Variants in HPSE2 observed in about 807,000 individuals in gnomAD.
HPSE2 encodes inactive heparanase-2.
HPSE2 carries 38 observed loss-of-function variants against 60.5 expected under a neutral mutation model. The observed-to-expected ratio is 0.63, with a 90% confidence interval of 0.48 to 0.82. The LOEUF is 0.82. Ranked by LOEUF, HPSE2 falls within the 40% of genes least tolerant of loss-of-function variation. HPSE2 has a pLI of 0.00. For synonymous variants in HPSE2, 295 were observed against 293.2 expected (o/e 1.01, Z -0.06); for missense variants, 713 against 740.4 (o/e 0.96, Z 0.43).
At chr10:99,047,653 A>G (rs752142497) in intron 3 of HPSE2, 42 of 744,904 alleles carry the variant, frequency 5.6e-5, no homozygotes, top group Non-Finnish European at 9.3e-5. Context: ...ATGGTGTAGA[A>G]GAGAAGAAGA....
At chr10:99,305,720 C>A in the HPSE2 span, among the ~76,000 whole-genome samples, 1 of 151,598 alleles carries the variant, frequency 6.6e-6, no homozygotes, top group Admixed American at 6.6e-5. Flanking sequence ...CTTTAAAATA[C>A]CTATGACTTA....
intron 2 of HPSE2, among the ~76,000 whole-genome samples, chr10:99,212,604 C>A (rs183146698): frequency 6.6e-6 from 1 of 152,030 alleles, no homozygotes; most frequent in Non-Finnish European, 1.5e-5. Flanking sequence ...TGTAAACCCA[C>A]AGAAGCAGAG....
intron 3 of HPSE2, among the ~76,000 whole-genome samples, chr10:98,870,618 T>C (rs1341759236): frequency 6.6e-6 from 1 of 152,286 alleles, no homozygotes; most frequent in African/African-American, 2.4e-5. Flanking sequence ...ATAAAGCCTG[T>C]ACAAGTACAG....
intron 2 of HPSE2, among the ~76,000 whole-genome samples, chr10:99,224,786 T>C (rs1357877888): frequency 6.6e-6 from 1 of 152,050 alleles, no homozygotes; most frequent in Non-Finnish European, 1.5e-5. Context: ...ACAAAAAAAA[T>C]TGATGAATTA....
At chr10:98,555,164 T>A (rs1355857862) in intron 9 of HPSE2, among the ~76,000 whole-genome samples, 1 of 152,210 alleles carries the variant, frequency 6.6e-6, no homozygotes, top group African/African-American at 2.4e-5. Context: ...TAAAATCTTC[T>A]CTGGGGAAGT....
chr10:98,705,716 G>A (rs1208530653), intron 5 of HPSE2, among the ~76,000 whole-genome samples: 1 of 152,116 alleles, frequency 6.6e-6, no homozygotes, highest in African/African-American at 2.4e-5. Context: ...GAGAACACAT[G>A]GACACAGGGA....
At chr10:98,487,964 T>G (rs564931586) in intron 10 of HPSE2, among the ~76,000 whole-genome samples, 1 of 152,248 alleles carries the variant, frequency 6.6e-6, no homozygotes, top group African/African-American at 2.4e-5. Flanking sequence ...GTTTTCTTTA[T>G]GAATCTAATA....
At chr10:99,153,166 G>C (rs1292666266) in intron 2 of HPSE2, among the ~76,000 whole-genome samples, 1 of 152,238 alleles carries the variant, frequency 6.6e-6, no homozygotes. Flanking sequence ...GCAGCAGCGA[G>C]GCTGGGGGAG....
At chr10:98,469,161 T>C (rs1940676042) in intron 11 of HPSE2, among the ~76,000 whole-genome samples, 1 of 152,176 alleles carries the variant, frequency 6.6e-6, no homozygotes, top group Non-Finnish European at 1.5e-5. Context: ...GTGCTTCTAA[T>C]GGCTTAAAAT....
chr10:99,283,203 AAAAAAAAAAAAAACAG>A, the HPSE2 span, among the ~76,000 whole-genome samples: 7 of 46,754 alleles, frequency 1.5e-4, no homozygotes, highest in South Asian at 1.1e-3. Flanking sequence ...AAAAAAAAAA[AAAAAAAAAAAAAACAG>A]AAGGATTTCA....
chr10:99,081,241 T>C (rs1220590431), intron 3 of HPSE2, among the ~76,000 whole-genome samples: 1 of 152,222 alleles, frequency 6.6e-6, no homozygotes, highest in Non-Finnish European at 1.5e-5. Context: ...GTATGAACTA[T>C]AAAATCCTGT....
At chr10:98,978,297 A>C (rs1038259650) in intron 3 of HPSE2, among the ~76,000 whole-genome samples, 1 of 152,144 alleles carries the variant, frequency 6.6e-6, no homozygotes, top group Admixed American at 6.5e-5. Context: ...CTTTAAAAAA[A>C]ATCCCTGTTA....
At chr10:98,567,258 T>C (rs952792085) in intron 9 of HPSE2, among the ~76,000 whole-genome samples, 5 of 152,216 alleles carry the variant, frequency 3.3e-5, no homozygotes, top group African/African-American at 1.2e-4. Context: ...AGGGCTCACA[T>C]ACATCCCTTC....
intron 3 of HPSE2, among the ~76,000 whole-genome samples, chr10:98,879,122 T>A (rs1952951022): frequency 6.6e-6 from 1 of 152,016 alleles, no homozygotes; most frequent in Non-Finnish European, 1.5e-5. Context: ...CTAGTGGAGC[T>A]GTCAATGTGG....
chr10:98,712,630 C>T (rs1162065603), intron 5 of HPSE2, among the ~76,000 whole-genome samples: 2 of 152,120 alleles, frequency 1.3e-5, no homozygotes. Flanking sequence ...TAGCATATAT[C>T]ATGTGGTCTG....
chr10:98,600,911 G>GTATATATGTGTGTGTGTGTGTGTA (rs576143051), intron 9 of HPSE2, among the ~76,000 whole-genome samples: 1 of 73,702 alleles, frequency 1.4e-5, no homozygotes, highest in African/African-American at 3.7e-5. Flanking sequence ...ATGTGTGTGT[G>GTATATATGTGTGTGTGTGTGTGTA]TATATATATA....
chr10:98,477,680 C>G (rs1941076808), intron 11 of HPSE2, among the ~76,000 whole-genome samples: 1 of 152,182 alleles, frequency 6.6e-6, no homozygotes, highest in Admixed American at 6.5e-5. Flanking sequence ...TGAGGCCGAA[C>G]TTCATGTTGC....
intron 6 of HPSE2, among the ~76,000 whole-genome samples, chr10:98,678,686 TA>T (rs1565072706): frequency 6.6e-6 from 1 of 152,062 alleles, no homozygotes; most frequent in Non-Finnish European, 1.5e-5. Context: ...TGGAGGTTCT[TA>T]AAAATTTTTT....
chr10:99,310,134 C>T, the HPSE2 span, among the ~76,000 whole-genome samples: 1 of 152,308 alleles, frequency 6.6e-6, no homozygotes, highest in Admixed American at 6.5e-5. Context: ...CCAGCTCCTT[C>T]TTATAAGAAC....
Sources: gnomAD v4.1 joint callset for allele counts (sites outside exome capture counted in the v4.1 genomes callset) on GRCh38, gnomAD v4.1.1 for gene constraint, MANE v1.5 for transcripts, NCBI Gene and HGNC (gene_info 2026-07-23, HGNC 2026-07-21) for gene names.